The following ZNF654 variants were observed in gnomAD, a reference collection of about 807,000 sequenced individuals.
The protein encoded by ZNF654 is zinc finger protein 654.
Under a neutral mutation model 95.3 loss-of-function variants are expected in ZNF654, and 19 were observed. The observed-to-expected ratio is 0.20, with a 90% CI of 0.14 to 0.29. The LOEUF is 0.29. Among genes scored for constraint, ZNF654 ranks in the 10% least tolerant of loss-of-function variants. The pLI, the probability that ZNF654 is intolerant of heterozygous loss-of-function variation, is 1.00. For synonymous variants in ZNF654, 413 were observed against 457.9 expected (o/e 0.90, Z 1.25); for missense variants, 1,046 against 1,341.0 (o/e 0.78, Z 3.44).
intron 1 of ZNF654, among the ~76,000 whole-genome samples, chr3:88,061,537 G>A (rs896233950): frequency 6.6e-6 from 1 of 152,128 alleles, no homozygotes; most frequent in Non-Finnish European, 1.5e-5. Flanking sequence ...CTAGGTTACT[G>A]AGAGATCTGC....
At chr3:88,131,647 A>C (rs1356354318) in intron 6 of ZNF654, among the ~76,000 whole-genome samples, 2 of 152,136 alleles carry the variant, frequency 1.3e-5, no homozygotes, top group Non-Finnish European at 2.9e-5. Flanking sequence ...AAACCTTCTA[A>C]GAATAGAGGC....
At chr3:88,077,170 A>G (rs764709612) in intron 1 of ZNF654, among the ~76,000 whole-genome samples, 3 of 152,210 alleles carry the variant, frequency 2.0e-5, no homozygotes, top group Non-Finnish European at 2.9e-5. Flanking sequence ...AGATAAAAAT[A>G]TAAGAATCAG....
intron 1 of ZNF654, among the ~76,000 whole-genome samples, chr3:88,075,611 T>C (rs1707755183): frequency 6.6e-6 from 1 of 152,216 alleles, no homozygotes; most frequent in Non-Finnish European, 1.5e-5. Flanking sequence ...TTGCATAATT[T>C]GTTCTACTTT....
chr3:88,077,936 G>T (rs1707901068), intron 1 of ZNF654, among the ~76,000 whole-genome samples: 1 of 152,086 alleles, frequency 6.6e-6, no homozygotes, highest in Non-Finnish European at 1.5e-5. Flanking sequence ...TTGTATATAT[G>T]TTGAATTTTA....
At chr3:88,109,327 T>G (rs1704948519) in intron 2 of ZNF654, among the ~76,000 whole-genome samples, 1 of 152,108 alleles carries the variant, frequency 6.6e-6, no homozygotes, top group South Asian at 2.1e-4. Flanking sequence ...TGAATAGAAA[T>G]TTCTGTAAGA....
intron 2 of ZNF654, among the ~76,000 whole-genome samples, chr3:88,098,486 C>A (rs1249027064): frequency 6.6e-6 from 1 of 152,106 alleles, no homozygotes; most frequent in African/African-American, 2.4e-5. Context: ...TTTTATGAGG[C>A]CAGCATCATC....
rs1427122352 is a variant in ZNF654, at chr3:88,143,433, A to C, written c.*1781A>C. The C allele has an allele frequency of 2.0e-5, 3 of 152,272 alleles. No individual in the cohort carries two copies. The South Asian group carries it at 6.2e-4, about 32-fold the overall frequency. The allele number at this position is 152,272 out of a possible 1,614,324, so 9.4% of individuals were successfully genotyped here. A position where few individuals can be genotyped will look rare whatever the true frequency, so the allele number is the denominator to read the frequency against. On this transcript the variant is annotated 3_prime_UTR_variant, in exon 9 of 9. Transcript: ENST00000636215. ...AAAAAAATGTTTCCTGTATTTCTTG[A>C]TACTAAAAATGTAATGATTTTTATT... is the stretch of plus-strand genomic sequence containing the variant.
intron 4 of ZNF654, among the ~76,000 whole-genome samples, chr3:88,127,718 T>C (rs1371633695): frequency 6.6e-6 from 1 of 152,180 alleles, no homozygotes; most frequent in Non-Finnish European, 1.5e-5. Context: ...GTCTGAGGGC[T>C]GATGGCCTTT....
At chr3:88,068,936 A>G (rs1341105997) in intron 1 of ZNF654, among the ~76,000 whole-genome samples, 2 of 152,184 alleles carry the variant, frequency 1.3e-5, no homozygotes, top group Admixed American at 1.3e-4. Flanking sequence ...AGGAATAAGC[A>G]TTTGGTATCT....
chr3:88,083,213 T>C (rs1003186272), intron 1 of ZNF654, among the ~76,000 whole-genome samples: 4 of 152,194 alleles, frequency 2.6e-5, no homozygotes, highest in South Asian at 2.1e-4. Context: ...AAATGAACTT[T>C]AGGAAGACAA....
At chr3:88,107,949 GTGTTTCCT>G (rs907005794) in intron 2 of ZNF654, among the ~76,000 whole-genome samples, 2 of 151,854 alleles carry the variant, frequency 1.3e-5, no homozygotes, top group African/African-American at 4.8e-5. Context: ...TCATAGTGCT[GTGTTTCCT>G]TGTATGTTGT....
intron 2 of ZNF654, among the ~76,000 whole-genome samples, chr3:88,099,959 C>A (rs1295723870): frequency 3.3e-5 from 5 of 152,074 alleles, no homozygotes; most frequent in African/African-American, 1.2e-4. Context: ...GCAACAAAAG[C>A]CAAAATTGAC....
Position 88,065,262 on chromosome 3 carries a change from G to A in ZNF654, c.186+5757G>A, listed in dbSNP as rs1237672267. Among the ~76,000 whole-genome samples the A allele has an allele frequency of 3.3e-5, 5 of 152,190 alleles. No individual in the cohort carries two copies. The East Asian group carries it at 9.6e-4, about 29-fold the overall frequency. On this transcript the variant is annotated intron_variant, in intron 1 of 8. Transcript: ENST00000636215. ...CTTAGATGTTGACGGCTGTATTTGG[G>A]GAGCTAAATCCTTTTTTTTTTGTTA...
intron 3 of ZNF654, among the ~76,000 whole-genome samples, chr3:88,121,868 C>A (rs1705789266): frequency 6.6e-6 from 1 of 152,138 alleles, no homozygotes; most frequent in African/African-American, 2.4e-5. Flanking sequence ...ATTCTGGAAT[C>A]TTCATTTCGT....
intron 2 of ZNF654, among the ~76,000 whole-genome samples, chr3:88,100,149 C>T (rs2107712984): frequency 6.6e-6 from 1 of 152,294 alleles, no homozygotes; most frequent in East Asian, 1.9e-4. Flanking sequence ...ACAACCCCAT[C>T]AGAAAGTGGG....
chr3:88,138,626 T>C (rs980868435), intron 7 of ZNF654, 79 bp from the exon 8 acceptor site: 2 of 817,464 alleles, frequency 2.4e-6, no homozygotes, highest in East Asian at 3.4e-5. Context: ...ATTTTAAGAG[T>C]TGTGTTTTTT....
At position 88,140,819 on chromosome 3, in the gene ZNF654, A is replaced by G. The variant is rs1707082196; in HGVS notation, c.3150A>G (p.Pro1050=). 1.2e-6 allele frequency: 2 copies of G among 1,613,572 alleles called. No individual in the cohort carries two copies. The highest frequency in any genetic ancestry group is 2.2e-5 in the East Asian group (1 of 44,878). ...GLILTKPYVR[P]LPPSYLDERY... ...TTTTAACAAAACCATACGTCAGACCATTGCCTCCCAGTTACCTTGATGAAC... is the reference window on the plus strand; with the variant it reads ...TTTTAACAAAACCATACGTCAGACCGTTGCCTCCCAGTTACCTTGATGAAC... The change falls in exon 8 of 9, where the codon CCA becomes CCG. Residue 1050 remains proline, a synonymous_variant. Transcript: ENST00000636215.
chr3:88,116,551 TAC>T (rs1174244676), intron 3 of ZNF654, among the ~76,000 whole-genome samples: 8 of 24,018 alleles, frequency 3.3e-4, no homozygotes, highest in Admixed American at 1.4e-3. Context: ...CATACATACA[TAC>T]ATATATATAC....
intron 2 of ZNF654, among the ~76,000 whole-genome samples, chr3:88,111,809 A>G (rs1271382456): frequency 1.3e-5 from 2 of 151,988 alleles, no homozygotes; most frequent in Non-Finnish European, 1.5e-5. Context: ...TCCTGTTTCT[A>G]TACACCAAAG....
Sources: allele counts gnomAD v4.1 joint callset (sites outside exome capture counted in the v4.1 genomes callset), GRCh38; gene constraint gnomAD v4.1.1; transcripts MANE v1.5; gene names NCBI Gene and HGNC (gene_info 2026-07-23, HGNC 2026-07-21).